Variants in DCLK3 observed in about 807,000 individuals in gnomAD.
The protein encoded by DCLK3 is serine/threonine-protein kinase DCLK3.
In DCLK3, 30 loss-of-function variants were observed where a neutral mutation model predicts 46.4. That is an observed-to-expected ratio of 0.65 (90% confidence interval 0.48 to 0.88). The LOEUF (loss-of-function observed/expected upper bound fraction) is 0.88. DCLK3 is among the 40% of genes least tolerant of loss of function. The probability of loss-of-function intolerance (pLI) is 0.00; values close to 1 mark genes in which losing one functional copy is unlikely to be tolerated. For missense variants in DCLK3, 846 were observed against 907.1 expected (o/e 0.93, Z 0.87); for synonymous variants, 401 against 339.2 (o/e 1.18, Z -2.00).
intron 1 of DCLK3, among the ~76,000 whole-genome samples, chr3:36,742,880 A>G (rs916147639): frequency 3.9e-5 from 6 of 152,210 alleles, no homozygotes; most frequent in African/African-American, 1.4e-4. Flanking sequence ...CTCATGCCCC[A>G]GGACAACTGC....
chr3:36,748,734 CA>C (rs1241004964), intron 1 of DCLK3, among the ~76,000 whole-genome samples: 3 of 152,158 alleles, frequency 2.0e-5, no homozygotes, highest in African/African-American at 7.2e-5. Context: ...TCTCTCTAAC[CA>C]CCTGACCACT....
intron 3 of DCLK3, among the ~76,000 whole-genome samples, chr3:36,720,718 G>A (rs1701044515): frequency 6.6e-6 from 1 of 152,092 alleles, no homozygotes; most frequent in East Asian, 1.9e-4. Flanking sequence ...TGTTGGCCAG[G>A]ATGGTTTCAA....
chr3:36,726,385 G>A (rs1438018750), intron 2 of DCLK3, among the ~76,000 whole-genome samples: 1 of 151,854 alleles, frequency 6.6e-6, no homozygotes, highest in Non-Finnish European at 1.5e-5. Flanking sequence ...TATCCAAGCA[G>A]GAGACTCATT....
At chr3:36,745,742 C>T (rs1701388737) in intron 1 of DCLK3, among the ~76,000 whole-genome samples, 1 of 152,148 alleles carries the variant, frequency 6.6e-6, no homozygotes. Flanking sequence ...AATCATTTGT[C>T]CTGGGCATTT....
In DCLK3 at chr3:36,738,794, G is replaced by A. The variant is rs181249190; in HGVS notation, c.373C>T (p.Leu125Phe). 35 of 1,154,906 alleles carry A rather than the reference G, an allele frequency of 3.0e-5. 1 individual carries two copies. In the East Asian group the frequency reaches 1.0e-3, roughly 33 times the overall value. The allele number at this position is 1,154,906 out of a possible 1,614,324, so 71.5% of individuals were successfully genotyped here. A position where few individuals can be genotyped will look rare whatever the true frequency, so the allele number is the denominator to read the frequency against. Residue 125 changes from leucine to phenylalanine, a missense_variant, in exon 2 of 5, where the codon CTC becomes TTC. Physicochemically the swap from Leu to Phe is conservative, Grantham distance 22 (BLOSUM62 0). This residue lies in a region of DCLK3 where 553 missense variants were observed against 543.0 expected (regional missense o/e 1.02). Coordinates refer to ENST00000636136, the MANE Select transcript of DCLK3 (RefSeq NM_001394672.2). ...AAGGCTTCTGAGATGTCAGCTAAGA[G>A]CTGCTCGAACGTCTGCACTGATCGC... ...NRRSVQTFEQ[L>F]LADISEALGS...
rs1004769229 is a variant in DCLK3, at chr3:36,764,292, G to T, written c.-29C>A. On this transcript the variant is annotated 5_prime_UTR_variant, in exon 1 of 5. Coordinates refer to ENST00000636136, the MANE Select transcript of DCLK3 (RefSeq NM_001394672.2). The surrounding 1 kb of genome is among the most constrained non-coding windows in gnomAD (Gnocchi z 4.9). ...GCGGCGGCGGGCTCGGGGAGAGCCT[G>T]GAGCAGAGGTGGCAGCGCGGGGACG... 3.5e-5 allele frequency: 8 copies of T among 227,650 alleles called. No homozygotes were observed. Among genetic ancestry groups the T allele is most frequent in the African/African-American group, 7.0e-5 (3 of 43,140 alleles). The allele number at this position is 227,650 out of a possible 1,614,324, so 14.1% of individuals were successfully genotyped here.
At position 36,717,752 on chromosome 3, in the gene DCLK3, G is replaced by A. The variant is rs144816095; in HGVS notation, c.2260+258C>T. On this transcript the variant is annotated intron_variant, in intron 4 of 4. Coordinates refer to ENST00000636136, the MANE Select transcript of DCLK3 (RefSeq NM_001394672.2). ...GTTACAATGTTTCTGATATTTTTCT[G>A]TTCTGAGGTTCTTGAATTGCCTTAA... Among the ~76,000 whole-genome samples the A allele has an allele frequency of 2.6e-5, 4 of 152,264 alleles. No homozygotes were observed. The East Asian group carries it at 5.8e-4, about 22-fold the overall frequency.
Position 36,713,935 on chromosome 3 carries a change from T to A in DCLK3, c.*1393A>T, listed in dbSNP as rs1331441007. The A allele has an allele frequency of 6.6e-6, 1 of 152,356 alleles. No individual in the cohort carries two copies. The highest frequency in any genetic ancestry group is 2.4e-5 in the African/African-American group (1 of 41,442). 9.4% of individuals were successfully genotyped at this position (152,356 alleles called of 1,614,324 possible). ...GTCTCTTCCAGTGGAGGGTAATTCC[T>A]GTAGAGGGCTGAAAGCTGAGAGCCA... is the stretch of plus-strand genomic sequence containing the variant. On this transcript the variant is annotated 3_prime_UTR_variant, in exon 5 of 5. Transcript: ENST00000636136.
chr3:36,751,834 G>A (rs573166280), intron 1 of DCLK3, among the ~76,000 whole-genome samples: 34 of 152,350 alleles, frequency 2.2e-4, no homozygotes, highest in African/African-American at 2.2e-4. Flanking sequence ...GGTGTTGCAC[G>A]GAAGAACCCA....
At position 36,737,063 on chromosome 3, in the gene DCLK3, T is replaced by G. The variant is rs778123644; in HGVS notation, c.1959+145A>C. The G allele has an allele frequency of 2.4e-4, 295 of 1,221,592 alleles. No individual in the cohort carries two copies. Among genetic ancestry groups the G allele is most frequent in the Non-Finnish European group, 3.0e-4 (273 of 898,320 alleles). The allele number at this position is 1,221,592 out of a possible 1,614,324, so 75.7% of individuals were successfully genotyped here. A position where few individuals can be genotyped will look rare whatever the true frequency, so the allele number is the denominator to read the frequency against. On this transcript the variant is annotated intron_variant, in intron 2 of 4. Transcript: ENST00000636136. The surrounding 1 kb of genome is among the most constrained non-coding windows in gnomAD (Gnocchi z 4.4). ...AGCAACTTATGACCTATAACCATAG[T>G]TTTAAATACTGGAACAAGTATGTTA...
intron 1 of DCLK3, among the ~76,000 whole-genome samples, chr3:36,759,196 G>A (rs1277856241): frequency 2.6e-5 from 4 of 152,188 alleles, no homozygotes; most frequent in Admixed American, 2.6e-4. Flanking sequence ...CTCAGAATGA[G>A]GCTTAAGCTT....
chr3:36,727,879 C>T (rs1402015725), intron 2 of DCLK3, among the ~76,000 whole-genome samples: 1 of 152,222 alleles, frequency 6.6e-6, no homozygotes, highest in African/African-American at 2.4e-5. Context: ...ACAAGCACCT[C>T]ACATATTTGG....
chr3:36,737,281 T>A lies in DCLK3; in HGVS notation c.1886A>T (p.Asp629Val). Residue 629 changes from aspartate (D) to valine (V), a missense_variant, in exon 2 of 5, where the codon GAC (aspartate) becomes GTC (valine). Transcript: ENST00000636136. The surrounding 1 kb of genome is among the most constrained non-coding windows in gnomAD (Gnocchi z 4.4). ...CATGTGGACGAGGGCTTTGCATAAG[T>A]CCATGATCATGAGGGCAGCATCGGG... is the stretch of plus-strand genomic sequence containing the variant. ...PEPDAALMIM[D>V]LCKALVHMHD... is the part of the protein sequence containing the mutation. The A allele has an allele frequency of 1.9e-6, 3 of 1,614,140 alleles. No individual in the cohort carries two copies. Among genetic ancestry groups the A allele is most frequent in the Non-Finnish European group, 2.5e-6 (3 of 1,180,028 alleles).
At chr3:36,720,863 C>T (rs1413246584) in intron 3 of DCLK3, among the ~76,000 whole-genome samples, 1 of 152,142 alleles carries the variant, frequency 6.6e-6, no homozygotes, top group East Asian at 1.9e-4. Context: ...TCCGTCCATC[C>T]CTTCTCCCTG....
intron 2 of DCLK3, among the ~76,000 whole-genome samples, chr3:36,735,494 A>G (rs1701249877): frequency 6.6e-6 from 1 of 152,218 alleles, no homozygotes; most frequent in Non-Finnish European, 1.5e-5. Flanking sequence ...TCACTGGATA[A>G]TTAGCTTGAC....
chr3:36,732,974 G>A (rs1701218360), intron 2 of DCLK3, among the ~76,000 whole-genome samples: 1 of 152,218 alleles, frequency 6.6e-6, no homozygotes, highest in African/African-American at 2.4e-5. Flanking sequence ...GGGAGAATGA[G>A]CAGGAAGTGT....
At chr3:36,725,478 A>T (rs960726446) in intron 2 of DCLK3, among the ~76,000 whole-genome samples, 8 of 152,002 alleles carry the variant, frequency 5.3e-5, no homozygotes, top group Non-Finnish European at 1.2e-4. Flanking sequence ...TTAGCCAGGC[A>T]TGGTGGTGCA....
intron 1 of DCLK3, among the ~76,000 whole-genome samples, chr3:36,762,766 C>A (rs1053768252): frequency 6.6e-6 from 1 of 152,174 alleles, no homozygotes; most frequent in Non-Finnish European, 1.5e-5. Flanking sequence ...GATGGCAAAG[C>A]TCACCATAAA....
In DCLK3 at chr3:36,764,071, C is replaced by G. The variant is rs139960040; in HGVS notation, c.82+111G>C. On this transcript the variant is annotated intron_variant, in intron 1 of 4. Transcript: ENST00000636136. The surrounding 1 kb of genome is among the most constrained non-coding windows in gnomAD (Gnocchi z 4.9). ...CCGTACACCCACGCGGGGTCTGGCA[C>G]TGCTGCTACATCCCGCACGGAGCGG... is the stretch of plus-strand genomic sequence containing the variant. 4.5e-6 allele frequency: 1 copy of G among 220,394 alleles called. No individual in the cohort carries two copies. The highest frequency in any genetic ancestry group is 8.9e-6 in the Non-Finnish European group (1 of 112,028). 13.7% of individuals were successfully genotyped at this position (220,394 alleles called of 1,614,324 possible).
Sources: allele counts gnomAD v4.1 joint callset (sites outside exome capture counted in the v4.1 genomes callset), GRCh38; gene constraint gnomAD v4.1.1; regional missense constraint gnomAD v4.1.1; non-coding constraint Gnocchi (gnomAD v3.1); transcripts MANE v1.5; gene names NCBI Gene and HGNC (gene_info 2026-07-23, HGNC 2026-07-21).